Variants in ZFX observed in about 807,000 individuals in gnomAD.
ZFX encodes the protein zinc finger X-chromosomal protein.
For missense variants in ZFX, 362 were observed against 628.3 expected (o/e 0.58, Z 4.53); for synonymous variants, 196 against 226.8 (o/e 0.86, Z 1.22).
In ZFX at chrX:24,179,491, A is replaced by G; in HGVS notation, c.367A>G (p.Thr123Ala). 1 of 1,212,234 alleles carries G rather than the reference A, an allele frequency of 8.2e-7. No homozygotes were observed. Among genetic ancestry groups the G allele is most frequent in the Non-Finnish European group, 1.1e-6 (1 of 895,676 alleles). ...AGATGATGTTTTAGCTTCTGACATTACTTCAGCCTCAATGTCTATGCCAGA... is the reference window on the plus strand; with the variant it reads ...AGATGATGTTTTAGCTTCTGACATTGCTTCAGCCTCAATGTCTATGCCAGA... Reference protein sequence around the residue: ...VPDDVLASDITSASMSMPEHV... With the variant: ...VPDDVLASDIASASMSMPEHV... The change falls in exon 5 of 10, where the codon ACT becomes GCT. Residue 123 changes from threonine to alanine, a missense_variant. Physicochemically the swap from Thr to Ala is moderately conservative, Grantham distance 58. Coordinates refer to ENST00000304543, the MANE Select transcript of ZFX (RefSeq NM_003410.4).
chrX:24,187,335 G>A (rs185208092), intron 5 of ZFX, among the ~76,000 whole-genome samples: 57 of 111,467 alleles, frequency 5.1e-4, no homozygotes, highest in African/African-American at 1.8e-3. Context: ...CTCTCTCTCT[G>A]TGTTTGTATG....
At chrX:24,182,258 TGA>T (rs1397994590) in intron 5 of ZFX, among the ~76,000 whole-genome samples, 2 of 110,979 alleles carry the variant, frequency 1.8e-5, no homozygotes, top group African/African-American at 6.6e-5. Flanking sequence ...TTGGTGCTTT[TGA>T]GAGAGTTTGT....
At position 24,174,962 on chromosome X, in the gene ZFX, T is replaced by G. The variant is rs192635076; in HGVS notation, c.58+2162T>G. On this transcript the variant is annotated intron_variant, in intron 4 of 9. Coordinates refer to ENST00000304543, the MANE Select transcript of ZFX (RefSeq NM_003410.4). ...GTGCTCCTCCCACCTTGGCCTCTCATGGTGCTGGGATTACAGGTGTGAGCC... is the reference window on the plus strand; with the variant it reads ...GTGCTCCTCCCACCTTGGCCTCTCAGGGTGCTGGGATTACAGGTGTGAGCC... 5.3e-3 allele frequency among the ~76,000 whole-genome samples: 586 copies of G among 110,395 alleles called. 11 individuals carry two copies. The highest frequency in any genetic ancestry group is 9.6e-3 in the Middle Eastern group (2 of 209).
intron 3 of ZFX, among the ~76,000 whole-genome samples, chrX:24,172,275 C>T (rs1233431308): frequency 2.7e-5 from 3 of 111,929 alleles, no homozygotes; most frequent in Non-Finnish European, 5.6e-5. Context: ...CAGTAAGCTA[C>T]AGAATGTATT....
At position 24,215,210 on chromosome X, in the gene ZFX, CTG is replaced by C. The variant is rs1369997432; in HGVS notation, c.*3837_*3838del. 8.9e-6 allele frequency: 1 copy of C among 111,990 alleles called. No homozygotes were observed. Among genetic ancestry groups the C allele is most frequent in the African/African-American group, 3.2e-5 (1 of 30,828 alleles). The allele number at this position is 111,990 out of a possible 1,213,427, so 9.2% of individuals were successfully genotyped here. A position where few individuals can be genotyped will look rare whatever the true frequency, so the allele number is the denominator to read the frequency against. ...ACCCAACAAATGACACCTAACCTGT[CTG>C]TGATCCAACAAGTCCGATAACATGC... On this transcript the variant is annotated 3_prime_UTR_variant, in exon 10 of 10. Transcript: ENST00000304543.
At position 24,208,300 on chromosome X, in the gene ZFX, C is replaced by T. The variant is rs1160128673; in HGVS notation, c.1023C>T (p.Ala341=). The T allele has an allele frequency of 8.3e-6, 10 of 1,209,421 alleles. No individual in the cohort carries two copies. The highest frequency in any genetic ancestry group is 2.2e-5 in the Admixed American group (1 of 45,395). The change falls in exon 8 of 10, where the codon GCC becomes GCT. Residue 341 remains alanine, a synonymous_variant. Coordinates refer to ENST00000304543, the MANE Select transcript of ZFX (RefSeq NM_003410.4). ...EDAAAAAAAA[A]VHEQQMDDNE... Reference sequence around the variant, plus strand: ...CTGCAGCAGCAGCGGCAGCCGCCGCCGTGCACGAGCAGCAAATGGATGACA... The same window carrying T: ...CTGCAGCAGCAGCGGCAGCCGCCGCTGTGCACGAGCAGCAAATGGATGACA...
intron 4 of ZFX, chrX:24,175,433 A>G (rs1222461734): frequency 8.9e-6 from 1 of 112,068 alleles, no homozygotes; most frequent in Non-Finnish European, 1.9e-5. Context: ...TCATCACCAC[A>G]GTCCTGTGAG....
chrX:24,149,443 G>A (rs1931694288), upstream of ZFX: 1 of 111,486 alleles, frequency 9.0e-6, no homozygotes, highest in Non-Finnish European at 1.9e-5. Flanking sequence ...GGAAAGAAGG[G>A]GGGCGCTGTC....
intron 5 of ZFX, among the ~76,000 whole-genome samples, chrX:24,180,644 A>G (rs1935605436): frequency 9.0e-6 from 1 of 111,660 alleles, no homozygotes; most frequent in African/African-American, 3.3e-5. Context: ...TGGCCTTCCA[A>G]AGTGGGAGGA....
chrX:24,183,580 A>C (rs985558029), intron 5 of ZFX, among the ~76,000 whole-genome samples: 1 of 111,797 alleles, frequency 8.9e-6, no homozygotes, highest in African/African-American at 3.3e-5. Flanking sequence ...AAGTACAGAC[A>C]TGACACCACA....
intron 3 of ZFX, among the ~76,000 whole-genome samples, chrX:24,163,577 C>T (rs1487346714): frequency 2.8e-5 from 3 of 105,564 alleles, no homozygotes; most frequent in Non-Finnish European, 5.8e-5. Context: ...GGGGTTTCAC[C>T]ATGTTGGCCA....
rs1938437909 is a variant in ZFX at position 24,215,884 on chromosome X, C to CTT, written c.*4509_*4510dup. 9.1e-6 allele frequency: 1 copy of CTT among 110,208 alleles called. No homozygotes were observed. Among genetic ancestry groups the CTT allele is most frequent in the Non-Finnish European group, 1.9e-5 (1 of 52,764 alleles). The allele number at this position is 110,208 out of a possible 1,213,427, so 9.1% of individuals were successfully genotyped here. A position where few individuals can be genotyped will look rare whatever the true frequency, so the allele number is the denominator to read the frequency against. ...TGTGTGTTTAATTGGCCCAGGGTTA[C>CTT]TTAAATAAATCATAACCATTTTGCC... On this transcript the variant is annotated 3_prime_UTR_variant, in exon 10 of 10. Transcript: ENST00000304543.
At chrX:24,183,489 AAATGCTATTTTAAAATGCAGGTTG>A (rs1159807959) in intron 5 of ZFX, among the ~76,000 whole-genome samples, 2 of 111,315 alleles carry the variant, frequency 1.8e-5, no homozygotes, top group Admixed American at 9.6e-5. Context: ...GCCTGGCCGA[AAATGCTATTTTAAAATGCAGGTTG>A]AGCATCCTTA....
At position 24,179,285 on chromosome X, in the gene ZFX, T is replaced by G. The variant is rs1036377560; in HGVS notation, c.161T>G (p.Phe54Cys). Residue 54 changes from phenylalanine to cysteine, a missense_variant, in exon 5 of 10, where the codon TTT becomes TGT. Coordinates refer to ENST00000304543, the MANE Select transcript of ZFX (RefSeq NM_003410.4). ...VVDSDITVHN[F>C]VPDDPDSVVI... The stretch of plus-strand genomic sequence containing the variant: ...GATTCAGACATAACTGTGCATAACT[T>G]TGTTCCTGATGACCCAGATTCAGTT... The G allele has an allele frequency of 8.3e-7, 1 of 1,210,483 alleles. No homozygotes were observed. The highest frequency in any genetic ancestry group is 2.2e-5 in the Admixed American group (1 of 45,778).
chrX:24,154,864 C>T (rs1282021223), intron 3 of ZFX, among the ~76,000 whole-genome samples: 2 of 111,462 alleles, frequency 1.8e-5, no homozygotes, highest in East Asian at 5.6e-4. Context: ...AGGCTATTAT[C>T]CTTAGCAAAC....
chrX:24,183,479 G>A (rs1402421427), intron 5 of ZFX, among the ~76,000 whole-genome samples: 1 of 111,274 alleles, frequency 9.0e-6, no homozygotes, highest in Admixed American at 9.6e-5. Context: ...GAGCTACCAC[G>A]CCTGGCCGAA....
intron 5 of ZFX, among the ~76,000 whole-genome samples, chrX:24,203,742 G>A (rs1311001113): frequency 9.0e-6 from 1 of 111,276 alleles, no homozygotes; most frequent in African/African-American, 3.3e-5. Flanking sequence ...TTACCATCAC[G>A]CCGTTTTGTG....
intron 6 of ZFX, 27 bp downstream of exon 6, chrX:24,207,502 C>T (rs1276405840): frequency 8.4e-7 from 1 of 1,189,718 alleles, no homozygotes; most frequent in Non-Finnish European, 1.1e-6. Flanking sequence ...AGACATTATA[C>T]ATCCTCATCC....
At chrX:24,197,492 C>T (rs1937000904) in intron 5 of ZFX, among the ~76,000 whole-genome samples, 1 of 110,995 alleles carries the variant, frequency 9.0e-6, no homozygotes, top group South Asian at 3.8e-4. Flanking sequence ...TTTAAGAAAT[C>T]ACAAAATGAA....
Sources: gnomAD v4.1 joint callset for allele counts (sites outside exome capture counted in the v4.1 genomes callset) on GRCh38, gnomAD v4.1.1 for gene constraint, MANE v1.5 for transcripts, NCBI Gene and HGNC (gene_info 2026-07-23, HGNC 2026-07-21) for gene names.